SLC9C1: variants seen among roughly 807,000 people sequenced by gnomAD.
SLC9C1 encodes sodium/hydrogen exchanger 10.
A neutral mutation model predicts 140.9 loss-of-function variants in SLC9C1; 97 were observed. The observed-to-expected ratio is 0.69, with a 90% CI of 0.58 to 0.82. The LOEUF (loss-of-function observed/expected upper bound fraction) is 0.82, where lower values mean the gene tolerates loss of function less well. Among genes scored for constraint, SLC9C1 ranks in the 40% least tolerant of loss-of-function variants. The pLI is 0.00. For missense variants in SLC9C1, 1,340 were observed against 1,389.3 expected (o/e 0.96, Z 0.56); for synonymous variants, 440 against 442.6 (o/e 0.99, Z 0.07).
At chr3:112,186,257 ATT>A (rs2077538068) in intron 20 of SLC9C1, among the ~76,000 whole-genome samples, 4 of 59,076 alleles carry the variant, frequency 6.8e-5, no homozygotes, top group African/African-American at 2.3e-4. Flanking sequence ...TTGGTATCCT[ATT>A]GAAATCTCTG....
intron 11 of SLC9C1, among the ~76,000 whole-genome samples, chr3:112,241,007 G>T (rs1053835172): frequency 6.6e-6 from 1 of 151,764 alleles, no homozygotes; most frequent in Non-Finnish European, 1.5e-5. Context: ...GGCAGGTGGG[G>T]ATGGTTAACA....
At chr3:112,284,881 T>A (rs2080458754) in intron 2 of SLC9C1, among the ~76,000 whole-genome samples, 1 of 151,704 alleles carries the variant, frequency 6.6e-6, no homozygotes, top group African/African-American at 2.4e-5. Context: ...TGTTTCAATG[T>A]TTCTAATATT....
At chr3:112,283,508 T>G (rs4300982) in intron 2 of SLC9C1, among the ~76,000 whole-genome samples, 89,665 of 149,486 alleles carry the variant, frequency 0.6, 27,380 homozygotes, top group East Asian at 0.8. Context: ...ATGTCTTTGT[T>G]CTATGCAAAT....
intron 20 of SLC9C1, among the ~76,000 whole-genome samples, chr3:112,189,397 A>G (rs1396034280): frequency 2.0e-5 from 3 of 152,248 alleles, no homozygotes; most frequent in East Asian, 1.9e-4. Context: ...ATCTTGAATT[A>G]ATTTTTGTAT....
chr3:112,270,865 GTC>G (rs2080054162), intron 6 of SLC9C1, among the ~76,000 whole-genome samples: 1 of 152,136 alleles, frequency 6.6e-6, no homozygotes, highest in Non-Finnish European at 1.5e-5. Context: ...TTTAATGTCT[GTC>G]TGTTCTTAGC....
Position 112,140,955 on chromosome 3 carries a change from T to C in SLC9C1, c.*317A>G, listed in dbSNP as rs1325667098. The stretch of plus-strand genomic sequence containing the variant: ...ATAAAGTGAACCAAACCATTATTGC[T>C]GTAAGAGCAATATGCAAAATATCTA... On this transcript the variant is annotated 3_prime_UTR_variant, in exon 29 of 29. Transcript: ENST00000305815. 3.9e-6 allele frequency: 1 copy of C among 254,338 alleles called. No homozygotes were observed. The highest frequency in any genetic ancestry group is 2.2e-5 in the African/African-American group (1 of 45,058). 15.8% of individuals were successfully genotyped at this position (254,338 alleles called of 1,614,324 possible). A position where few individuals can be genotyped will look rare whatever the true frequency, so the allele number is the denominator to read the frequency against.
chr3:112,167,469 A>G, intron 25 of SLC9C1, 122 bp from the exon 26 acceptor site: 1 of 933,574 alleles, frequency 1.1e-6, no homozygotes, highest in South Asian at 2.0e-5. Flanking sequence ...ATATTAACAA[A>G]TCAACACAAA....
chr3:112,175,866 T>G (rs1179056025), intron 23 of SLC9C1, among the ~76,000 whole-genome samples: 2 of 152,238 alleles, frequency 1.3e-5, no homozygotes, highest in African/African-American at 4.8e-5. Flanking sequence ...TGGGAGCTCT[T>G]TCTCAGAGAG....
chr3:112,154,662 A>C (rs1036338173), intron 27 of SLC9C1, among the ~76,000 whole-genome samples: 1 of 152,236 alleles, frequency 6.6e-6, no homozygotes, highest in African/African-American at 2.4e-5. Context: ...ATTAAGGGTC[A>C]GTCCAGATTT....
intron 10 of SLC9C1, among the ~76,000 whole-genome samples, chr3:112,249,450 C>G (rs10934147): frequency 0.59 from 89,878 of 151,746 alleles, 27,118 homozygotes; most frequent in East Asian, 0.79. Context: ...CCAGGTTTTG[C>G]TATTAGGATG....
intron 16 of SLC9C1, among the ~76,000 whole-genome samples, chr3:112,207,711 TTCAAC>T (rs2078094296): frequency 6.6e-6 from 1 of 152,144 alleles, no homozygotes; most frequent in Non-Finnish European, 1.5e-5. Context: ...TTATTAAAAA[TTCAAC>T]TCAAGTATTG....
rs2078950984 is a variant in SLC9C1 at position 112,235,193 on chromosome 3, C to G, written c.1447-3707G>C. The stretch of plus-strand genomic sequence containing the variant: ...AGTTCTTGAAGAGGTCCTTCACATC[C>G]CTTGTAAGTTGGATTCCTGGGTATT... On this transcript the variant is annotated intron_variant, in intron 12 of 28. Transcript: ENST00000305815. Among the ~76,000 whole-genome samples the G allele has an allele frequency of 2.1e-5, 2 of 93,224 alleles. 1 individual carries two copies. Among genetic ancestry groups the G allele is most frequent in the Admixed American group, 2.7e-4 (2 of 7,524 alleles). The allele number at this position is 93,224 out of a possible 152,430, so 61.2% of individuals were successfully genotyped here.
intron 15 of SLC9C1, among the ~76,000 whole-genome samples, chr3:112,213,903 A>G (rs1426976212): frequency 1.3e-5 from 2 of 152,232 alleles, no homozygotes; most frequent in Admixed American, 6.5e-5. Context: ...AACAGAATAT[A>G]CATTCTTATT....
intron 14 of SLC9C1, 62 bp from the exon 15 acceptor site, chr3:112,217,623 A>G: frequency 6.9e-7 from 1 of 1,439,554 alleles, no homozygotes; most frequent in Non-Finnish European, 9.3e-7. Flanking sequence ...TTAATGTTGT[A>G]CTGGAAGTTT....
At chr3:112,176,801 G>T (rs1228708866) in intron 23 of SLC9C1, among the ~76,000 whole-genome samples, 1 of 152,080 alleles carries the variant, frequency 6.6e-6, no homozygotes, top group Non-Finnish European at 1.5e-5. Flanking sequence ...TCCAAACTCT[G>T]TCTCCACCAT....
chr3:112,237,662 A>T (rs1560108332), intron 12 of SLC9C1, among the ~76,000 whole-genome samples: 1 of 152,110 alleles, frequency 6.6e-6, no homozygotes, highest in Non-Finnish European at 1.5e-5. Flanking sequence ...GTGGTGACAA[A>T]ATCTCTCAGC....
chr3:112,191,830 G>T (rs2077667110), intron 20 of SLC9C1, among the ~76,000 whole-genome samples: 1 of 151,812 alleles, frequency 6.6e-6, no homozygotes, highest in Admixed American at 6.6e-5. Flanking sequence ...TTTTTCATAT[G>T]AATTTCAAAT....
intron 24 of SLC9C1, 40 bp from the exon 25 acceptor site, chr3:112,169,102 T>A (rs1425890038): frequency 1.9e-6 from 3 of 1,573,068 alleles, no homozygotes; most frequent in Non-Finnish European, 2.6e-6. Context: ...TATTAGTCTA[T>A]GAAGTTCAGT....
Position 112,217,514 on chromosome 3 carries a change from G to GT in SLC9C1, c.1717dup (p.Thr573AsnfsTer6). 1 of 1,609,772 alleles carries GT rather than the reference G, an allele frequency of 6.2e-7. No individual in the cohort carries two copies. The highest frequency in any genetic ancestry group is 2.2e-5 in the East Asian group (1 of 44,698). On this transcript the variant is annotated frameshift_variant, in exon 15 of 29. Transcript: ENST00000305815. LOFTEE classifies it high-confidence loss of function. Reference sequence around the variant, plus strand: ...TAGTAGTTTTCTAGCAAAGGTAACTGTTTTTTGGCTTTCAGAATAATTCTT... The same window carrying GT: ...TAGTAGTTTTCTAGCAAAGGTAACTGTTTTTTTGGCTTTCAGAATAATTCTT...
Sources: allele counts gnomAD v4.1 joint callset (sites outside exome capture counted in the v4.1 genomes callset), GRCh38; gene constraint gnomAD v4.1.1; transcripts MANE v1.5; gene names NCBI Gene and HGNC (gene_info 2026-07-23, HGNC 2026-07-21).